The following RMDN2 variants were observed in gnomAD, a reference collection of about 807,000 sequenced individuals.
RMDN2 encodes regulator of microtubule dynamics 2.
A neutral mutation model predicts 52.8 loss-of-function variants in RMDN2; 61 were observed. The observed-to-expected ratio is 1.16, with a 90% CI of 0.94 to 1.43. The LOEUF (loss-of-function observed/expected upper bound fraction) is 1.43. Among genes scored for constraint, RMDN2 ranks in the 40% most tolerant of loss-of-function variants. RMDN2 has a pLI of 0.00. For synonymous variants in RMDN2, 180 were observed against 153.1 expected, an observed-to-expected ratio of 1.18 and a Z score of -1.30; for missense variants, 592 against 475.3, an observed-to-expected ratio of 1.25 and a Z score of -2.28.
At chr2:38,020,615 C>G (rs1013862544), downstream of RMDN2, among the ~76,000 whole-genome samples, 2 of 152,204 alleles carry the variant, frequency 1.3e-5, no homozygotes, top group Admixed American at 1.3e-4. Context: ...AGCGGCCAGC[C>G]GGCCCTGCCG....
intron 10 of RMDN2, among the ~76,000 whole-genome samples, chr2:38,007,819 T>C (rs1677337943): frequency 6.6e-6 from 1 of 152,240 alleles, no homozygotes; most frequent in Admixed American, 6.5e-5. Context: ...CTTAGATCTT[T>C]CCTGCTTTCT....
intron 2 of RMDN2, among the ~76,000 whole-genome samples, chr2:37,957,825 A>T (rs1276157061): frequency 6.6e-6 from 1 of 152,136 alleles, no homozygotes; most frequent in Non-Finnish European, 1.5e-5. Flanking sequence ...TTTTTGTATA[A>T]GGTATAAGGA....
intron 5 of RMDN2, among the ~76,000 whole-genome samples, chr2:37,984,649 G>C (rs1034099265): frequency 6.6e-5 from 10 of 152,212 alleles, no homozygotes; most frequent in Middle Eastern, 3.4e-3. Context: ...AAATACTGCA[G>C]GGAAATTAAT....
chr2:37,978,029 A>C (rs542686660), intron 4 of RMDN2, among the ~76,000 whole-genome samples: 1 of 152,186 alleles, frequency 6.6e-6, no homozygotes, highest in Non-Finnish European at 1.5e-5. Context: ...AGCCTGGGCA[A>C]CATTGAGCAC....
rs1673538098 is a variant in RMDN2, at chr2:37,983,039, C to T, written c.791+1696C>T. On this transcript the variant is annotated intron_variant, in intron 5 of 10. Coordinates refer to ENST00000354545, the MANE Select transcript of RMDN2 (RefSeq NM_001170791.3). ...CTCCTCCTCCTCCTCCCCTACTCTT[C>T]CTGTCTCTTACCTCTGACTCCTCTG... Among the ~76,000 whole-genome samples, 3 of 152,046 alleles carry T rather than the reference C, an allele frequency of 2.0e-5. No homozygotes were observed. In the South Asian group the frequency reaches 6.2e-4, roughly 32 times the overall value.
At chr2:37,996,406 A>G (rs952476711) in intron 7 of RMDN2, among the ~76,000 whole-genome samples, 1 of 151,856 alleles carries the variant, frequency 6.6e-6, no homozygotes, top group African/African-American at 2.4e-5. Flanking sequence ...ACAATATAGG[A>G]AGACCCTGTC....
intron 5 of RMDN2, among the ~76,000 whole-genome samples, chr2:37,986,573 G>A (rs1466770909): frequency 2.6e-5 from 4 of 151,926 alleles, no homozygotes; most frequent in Non-Finnish European, 1.5e-5. Flanking sequence ...TGTGTAAAAA[G>A]AATTATATAA....
intron 10 of RMDN2, among the ~76,000 whole-genome samples, chr2:38,011,610 T>C (rs1678010976): frequency 6.6e-6 from 1 of 152,166 alleles, no homozygotes; most frequent in South Asian, 2.1e-4. Flanking sequence ...GAATATATGA[T>C]GTGTGTCCAA....
At chr2:38,000,274 G>C (rs1676133998) in intron 8 of RMDN2, among the ~76,000 whole-genome samples, 1 of 152,180 alleles carries the variant, frequency 6.6e-6, no homozygotes, top group Non-Finnish European at 1.5e-5. Flanking sequence ...AGTCATCTGA[G>C]GCACCTTACA....
At chr2:38,010,667 G>T (rs1006332775) in intron 10 of RMDN2, among the ~76,000 whole-genome samples, 1 of 152,182 alleles carries the variant, frequency 6.6e-6, no homozygotes, top group Non-Finnish European at 1.5e-5. Flanking sequence ...CCCAGGTGAG[G>T]CAATGTCTTG....
chr2:38,043,595 C>G, intron 10 of RMDN2, among the ~76,000 whole-genome samples: 1 of 152,058 alleles, frequency 6.6e-6, no homozygotes, highest in East Asian at 1.9e-4. Context: ...TCTGCCTTCT[C>G]TGGCTTTGAG....
chr2:38,028,746 G>A (rs879683531), intron 10 of RMDN2, among the ~76,000 whole-genome samples: 30 of 152,144 alleles, frequency 2.0e-4, no homozygotes, highest in Non-Finnish European at 1.0e-4. Context: ...AATTGTGGGC[G>A]GGTCCCAGTA....
chr2:37,960,337 G>GTA (rs146086142), intron 2 of RMDN2, among the ~76,000 whole-genome samples: 59,793 of 151,122 alleles, frequency 0.4, 13,071 homozygotes, highest in East Asian at 0.78. Flanking sequence ...TGTATTGGGT[G>GTA]TATATATATA....
At chr2:37,959,907 A>G (rs960134638) in intron 2 of RMDN2, among the ~76,000 whole-genome samples, 1 of 146,318 alleles carries the variant, frequency 6.8e-6, no homozygotes, top group Admixed American at 6.6e-5. Flanking sequence ...TTATTCACCC[A>G]GTAGTGATTC....
In RMDN2 at chr2:37,988,476, G is replaced by C. The variant is rs944942158; in HGVS notation, c.792-1065G>C. On this transcript the variant is annotated intron_variant, in intron 5 of 10. Transcript: ENST00000354545. ...GAAACTGAAAACAGAGATCAAAAAG[G>C]TCATAACTGAAAAGTGGCCATTTTA... is the stretch of plus-strand genomic sequence containing the variant. Among the ~76,000 whole-genome samples the C allele has an allele frequency of 9.2e-5, 14 of 152,158 alleles. No individual in the cohort carries two copies. The South Asian group carries it at 2.9e-3, about 32-fold the overall frequency.
At chr2:37,932,519 C>G (rs1399925978) in intron 2 of RMDN2, among the ~76,000 whole-genome samples, 12 of 149,826 alleles carry the variant, frequency 8.0e-5, no homozygotes, top group East Asian at 2.0e-4. Flanking sequence ...ACCTTTCCCC[C>G]CTTTCTATTC....
chr2:37,955,879 C>T (rs949214409), intron 2 of RMDN2, among the ~76,000 whole-genome samples: 3 of 152,132 alleles, frequency 2.0e-5, no homozygotes, highest in Non-Finnish European at 4.4e-5. Flanking sequence ...ATTGAACTTC[C>T]TTGCATTCCT....
chr2:38,008,535 CT>C (rs1677454503), intron 10 of RMDN2, among the ~76,000 whole-genome samples: 1 of 152,018 alleles, frequency 6.6e-6, no homozygotes. Flanking sequence ...CAACCCCTGC[CT>C]TTTTTTGTTT....
intron 2 of RMDN2, among the ~76,000 whole-genome samples, chr2:37,968,743 T>C (rs1671413325): frequency 6.6e-6 from 1 of 152,172 alleles, no homozygotes; most frequent in Non-Finnish European, 1.5e-5. Context: ...AACAAATGTT[T>C]GTAAGCAAAT....
Sources: allele counts gnomAD v4.1 joint callset (sites outside exome capture counted in the v4.1 genomes callset), GRCh38; gene constraint gnomAD v4.1.1; transcripts MANE v1.5; gene names NCBI Gene and HGNC (gene_info 2026-07-23, HGNC 2026-07-21).